MPZL1: variants seen among roughly 807,000 people sequenced by gnomAD.
The protein encoded by MPZL1 is myelin protein zero-like protein 1.
In MPZL1, 16 loss-of-function variants were observed where a neutral mutation model predicts 29.3. The ratio of observed to expected loss-of-function variants is 0.55; its 90% confidence interval spans 0.37 to 0.83. The LOEUF is 0.83. MPZL1 is among the 40% of genes least tolerant of loss of function. The pLI, the probability that MPZL1 is intolerant of heterozygous loss-of-function variation, is 0.00. For synonymous variants in MPZL1, 143 were observed against 132.0 expected (o/e 1.08, Z -0.57); for missense variants, 279 against 332.9 (o/e 0.84, Z 1.26).
chr1:167,769,318 A>G (rs1414033333), intron 2 of MPZL1, among the ~76,000 whole-genome samples: 1 of 152,108 alleles, frequency 6.6e-6, no homozygotes, highest in Non-Finnish European at 1.5e-5. Context: ...CTCTGGAGCA[A>G]AGGACAAATT....
rs187242922 is a variant in MPZL1, at chr1:167,784,486, A to G, written c.709-3334A>G. Among the ~76,000 whole-genome samples the G allele has an allele frequency of 1.8e-3, 279 of 152,250 alleles. 2 individuals carry two copies. Among genetic ancestry groups the G allele is most frequent in the South Asian group, 6.0e-3 (29 of 4,824 alleles). On this transcript the variant is annotated intron_variant, in intron 5 of 5. Transcript: ENST00000359523. ...CAAAAGTGAATGTCTTAACAATGGT[A>G]GGTTCATTTCAAAGTTGATCGTGGT...
chr1:167,742,451 T>G (rs1386978964), intron 1 of MPZL1, among the ~76,000 whole-genome samples: 1 of 152,104 alleles, frequency 6.6e-6, no homozygotes, highest in Admixed American at 6.6e-5. Flanking sequence ...CTTGCCAACT[T>G]TTAAAATAAA....
At chr1:167,737,923 T>G (rs78218164) in intron 1 of MPZL1, among the ~76,000 whole-genome samples, 66 of 120,982 alleles carry the variant, frequency 5.5e-4, no homozygotes, top group African/African-American at 1.8e-3. Flanking sequence ...GTTTTTTTGT[T>G]TGTTTGTTTG....
intron 5 of MPZL1, among the ~76,000 whole-genome samples, chr1:167,780,281 G>A (rs1312756051): frequency 6.6e-6 from 1 of 152,186 alleles, no homozygotes; most frequent in Admixed American, 6.5e-5. Context: ...AATGGGCTGA[G>A]TGTGCCAATA....
At chr1:167,761,719 A>C (rs890025457) in intron 1 of MPZL1, among the ~76,000 whole-genome samples, 6 of 152,228 alleles carry the variant, frequency 3.9e-5, no homozygotes, top group African/African-American at 1.4e-4. Flanking sequence ...GTTAGTGACC[A>C]TACATTTAAG....
At chr1:167,762,141 A>C (rs892609214) in intron 1 of MPZL1, among the ~76,000 whole-genome samples, 3 of 151,996 alleles carry the variant, frequency 2.0e-5, no homozygotes, top group Non-Finnish European at 2.9e-5. Flanking sequence ...GGCATTTGCA[A>C]TGTCTGGAGA....
intron 1 of MPZL1, among the ~76,000 whole-genome samples, chr1:167,753,062 A>G (rs963664964): frequency 4.6e-5 from 7 of 152,334 alleles, no homozygotes; most frequent in Middle Eastern, 3.4e-3. Context: ...TGTCTTCGGT[A>G]GACTACAGCC....
In MPZL1 at chr1:167,765,672, A is replaced by G. The variant is rs770207236; in HGVS notation, c.181A>G (p.Lys61Glu). 6.2e-7 allele frequency: 1 copy of G among 1,613,786 alleles called. No homozygotes were observed. The highest frequency in any genetic ancestry group is 1.1e-5 in the South Asian group (1 of 90,996). ...GTQGKLTCKFKSTSTTGGLTS... is the reference protein window; with the variant it reads ...GTQGKLTCKFESTSTTGGLTS... ...ACAAGGGAAGCTGACCTGCAAGTTC[A>G]AGTCTACTAGTACGACTGGCGGGTT... Residue 61 changes from lysine to glutamate, a missense_variant, in exon 2 of 6, where the codon AAG (lysine) becomes GAG (glutamate). Transcript: ENST00000359523.
At chr1:167,770,813 A>C (rs1661225707) in intron 2 of MPZL1, among the ~76,000 whole-genome samples, 1 of 152,122 alleles carries the variant, frequency 6.6e-6, no homozygotes, top group Non-Finnish European at 1.5e-5. Context: ...GGCTTCTCTT[A>C]AGTCTCCATT....
intron 1 of MPZL1, among the ~76,000 whole-genome samples, chr1:167,751,428 GGGAGGCTGAGGTGGGC>G (rs1386564430): frequency 2.0e-5 from 3 of 152,080 alleles, no homozygotes; most frequent in African/African-American, 7.2e-5. Context: ...CCAGCACTTT[GGGAGGCTGAGGTGGGC>G]GGATCACTTG....
At chr1:167,735,873 A>T (rs1377792112) in intron 1 of MPZL1, among the ~76,000 whole-genome samples, 1 of 152,218 alleles carries the variant, frequency 6.6e-6, no homozygotes, top group African/African-American at 2.4e-5. Context: ...TTTAAAAGAT[A>T]AGCCATAGTG....
At chr1:167,757,168 G>T (rs2101773546) in intron 1 of MPZL1, among the ~76,000 whole-genome samples, 1 of 152,284 alleles carries the variant, frequency 6.6e-6, no homozygotes, top group South Asian at 2.1e-4. Context: ...CTGCAGGGTG[G>T]CCCTGTTCCC....
In MPZL1 at chr1:167,722,176, G is replaced by A; in HGVS notation, c.25G>A (p.Ala9Thr). Residue 9 changes from alanine to threonine, a missense_variant, in exon 1 of 6, where the codon GCG becomes ACG. By Grantham distance (58) the Ala-to-Thr change is moderately conservative (BLOSUM62 0). Coordinates refer to ENST00000359523, the MANE Select transcript of MPZL1 (RefSeq NM_003953.6). MAASAGAG[A>T]VIAAPDSRRW... is the part of the protein sequence containing the mutation. ...GATGGCAGCGTCCGCCGGAGCCGGG[G>A]CGGTGATTGCAGCCCCAGACAGCCG... 1 of 1,237,776 alleles carries A rather than the reference G, an allele frequency of 8.1e-7. No homozygotes were observed. The highest frequency in any genetic ancestry group is 1.0e-6 in the Non-Finnish European group (1 of 988,524). 76.7% of individuals were successfully genotyped at this position (1,237,776 alleles called of 1,614,324 possible).
At chr1:167,767,094 C>G (rs1344581599) in intron 2 of MPZL1, among the ~76,000 whole-genome samples, 1 of 152,156 alleles carries the variant, frequency 6.6e-6, no homozygotes, top group African/African-American at 2.4e-5. Flanking sequence ...GTGTTTGCTC[C>G]CTTGGGGGAG....
Position 167,765,665 on chromosome 1 carries a change from C to A in MPZL1, c.174C>A (p.Cys58Ter). The change falls in exon 2 of 6, where the codon TGC becomes TGA. Residue 58 changes from cysteine to a stop codon, truncating the protein, a stop_gained. Transcript: ENST00000359523. LOFTEE classifies it high-confidence loss of function. ...VANGTQGKLT[C>*]KFKSTSTTGG... ...ATGGTACACAAGGGAAGCTGACCTG[C>A]AAGTTCAAGTCTACTAGTACGACTG... The A allele has an allele frequency of 6.2e-7, 1 of 1,613,748 alleles. No homozygotes were observed. Among genetic ancestry groups the A allele is most frequent in the Non-Finnish European group, 8.5e-7 (1 of 1,179,776 alleles).
intron 1 of MPZL1, among the ~76,000 whole-genome samples, chr1:167,738,101 A>T (rs996516135): frequency 6.6e-6 from 1 of 151,626 alleles, no homozygotes; most frequent in South Asian, 2.1e-4. Flanking sequence ...AATTTTTTGT[A>T]TTTTTTTAGA....
intron 5 of MPZL1, among the ~76,000 whole-genome samples, chr1:167,782,272 C>T (rs1369552770): frequency 6.6e-6 from 1 of 152,092 alleles, no homozygotes; most frequent in African/African-American, 2.4e-5. Flanking sequence ...ATATTTTCAA[C>T]TATCTTATTT....
intron 5 of MPZL1, among the ~76,000 whole-genome samples, chr1:167,787,509 A>G (rs181945831): frequency 2.6e-4 from 40 of 152,340 alleles, no homozygotes; most frequent in Admixed American, 8.5e-4. Context: ...ATTCTGTGAT[A>G]GCTATTAAGA....
chr1:167,734,059 A>G (rs1660325854), intron 1 of MPZL1, among the ~76,000 whole-genome samples: 1 of 152,158 alleles, frequency 6.6e-6, no homozygotes, highest in Non-Finnish European at 1.5e-5. Context: ...GATCAAGACC[A>G]TCCTGGCTTA....
Sources: allele counts gnomAD v4.1 joint callset (sites outside exome capture counted in the v4.1 genomes callset), GRCh38; gene constraint gnomAD v4.1.1; transcripts MANE v1.5; gene names NCBI Gene and HGNC (gene_info 2026-07-23, HGNC 2026-07-21).